The following ANKRD30BL variants were observed in gnomAD, a reference collection of about 807,000 sequenced individuals.
ANKRD30BL encodes the protein putative ankyrin repeat domain-containing protein 30B-like.
A neutral mutation model predicts 18.4 loss-of-function variants in ANKRD30BL; 20 were observed. The ratio of observed to expected loss-of-function variants is 1.09; its 90% CI spans 0.77 to 1.58. The LOEUF is 1.58. ANKRD30BL is among the 40% of genes most tolerant of loss of function. The pLI, the probability that ANKRD30BL is intolerant of heterozygous loss-of-function variation, is 0.00. For synonymous variants in ANKRD30BL, 72 were observed against 100.9 expected, an observed-to-expected ratio of 0.71 and a Z score of 1.72; for missense variants, 224 against 268.6, an observed-to-expected ratio of 0.83 and a Z score of 1.16.
intron 1 of ANKRD30BL, among the ~76,000 whole-genome samples, chr2:132,186,873 T>G (rs1688569057): frequency 6.6e-6 from 1 of 152,114 alleles, no homozygotes; most frequent in Admixed American, 6.6e-5. Flanking sequence ...CTACATAAAA[T>G]AAGTATTCAG....
chr2:132,217,141 C>T (rs10205788), intron 1 of ANKRD30BL, among the ~76,000 whole-genome samples: 26,200 of 146,446 alleles, frequency 0.18, 4,993 homozygotes, highest in African/African-American at 0.48. Flanking sequence ...TTTGTGATGT[C>T]AGCATTCCAC....
intron 1 of ANKRD30BL, among the ~76,000 whole-genome samples, chr2:132,214,605 CT>C (rs1558937093): frequency 6.6e-6 from 1 of 151,968 alleles, no homozygotes; most frequent in Non-Finnish European, 1.5e-5. Context: ...TTGAAACACC[CT>C]TTTTGTACTA....
rs190652112 is a variant in ANKRD30BL at position 132,184,598 on chromosome 2, A to G, written n.442-27452T>C. 1.8e-3 allele frequency among the ~76,000 whole-genome samples: 272 copies of G among 152,318 alleles called. 1 individual carries two copies. Among genetic ancestry groups the G allele is most frequent in the Middle Eastern group, 3.4e-3 (1 of 294 alleles). The stretch of plus-strand genomic sequence containing the variant: ...TTTAACTTTAATGTTAAAAGTTTCC[A>G]TAAGTTATCCCCAAGCCTGGAAATA... On this transcript the variant is annotated intron_variant and non_coding_transcript_variant, in intron 1 of 4. Transcript: ENST00000470729.
intron 1 of ANKRD30BL, among the ~76,000 whole-genome samples, chr2:132,221,837 C>T (rs1338672220): frequency 8.1e-6 from 1 of 122,946 alleles, no homozygotes; most frequent in Non-Finnish European, 1.6e-5. Context: ...CAGCCCCCCG[C>T]CCGGCCAGCC....
chr2:132,189,894 AT>A (rs1678810274), intron 1 of ANKRD30BL, among the ~76,000 whole-genome samples: 2 of 152,228 alleles, frequency 1.3e-5, no homozygotes, highest in African/African-American at 4.8e-5. Context: ...AGAAAAAAAA[AT>A]AAATTAATTG....
At chr2:132,237,308 A>C (rs1680176423) in intron 1 of ANKRD30BL, among the ~76,000 whole-genome samples, 1 of 152,074 alleles carries the variant, frequency 6.6e-6, no homozygotes, top group Non-Finnish European at 1.5e-5. Flanking sequence ...AAGCATTCTC[A>C]CAAACTACTT....
intron 1 of ANKRD30BL, among the ~76,000 whole-genome samples, chr2:132,236,260 A>T (rs1003138156): frequency 2.6e-5 from 4 of 152,146 alleles, no homozygotes; most frequent in Non-Finnish European, 5.9e-5. Context: ...AGGCATTACC[A>T]TTCAGGACAT....
intron 1 of ANKRD30BL, among the ~76,000 whole-genome samples, chr2:132,234,155 C>A (rs1210594805): frequency 1.3e-5 from 2 of 152,108 alleles, no homozygotes; most frequent in Non-Finnish European, 2.9e-5. Context: ...AAAGACACAA[C>A]ATACCAGAAT....
intron 1 of ANKRD30BL, among the ~76,000 whole-genome samples, chr2:132,219,045 A>G (rs1442056465): frequency 2.6e-5 from 4 of 152,006 alleles, no homozygotes; most frequent in African/African-American, 9.7e-5. Flanking sequence ...ACAGAGTTGA[A>G]CCTTTCTTTT....
chr2:132,244,866 T>C (rs1039669237), intron 1 of ANKRD30BL, among the ~76,000 whole-genome samples: 1 of 152,226 alleles, frequency 6.6e-6, no homozygotes. Flanking sequence ...GGAAAACTCT[T>C]TTTGTAGTAT....
At chr2:132,151,784 T>C (rs1374170902) in intron 4 of ANKRD30BL, among the ~76,000 whole-genome samples, 1 of 152,088 alleles carries the variant, frequency 6.6e-6, no homozygotes, top group African/African-American at 2.4e-5. Flanking sequence ...TTTATAAATA[T>C]ATTAAATCAT....
chr2:132,205,532 C>T (rs1348867682), intron 1 of ANKRD30BL, among the ~76,000 whole-genome samples: 91 of 143,020 alleles, frequency 6.4e-4, no homozygotes, highest in Middle Eastern at 3.8e-3. Flanking sequence ...ACCTGGGAGG[C>T]GGAGGTTGCA....
intron 1 of ANKRD30BL, among the ~76,000 whole-genome samples, chr2:132,238,232 G>T (rs970743838): frequency 1.3e-5 from 2 of 151,604 alleles, no homozygotes; most frequent in African/African-American, 4.8e-5. Context: ...AGTTATGAAA[G>T]ACTCTTCTTA....
intron 1 of ANKRD30BL, among the ~76,000 whole-genome samples, chr2:132,180,605 C>G (rs899037320): frequency 2.0e-5 from 3 of 151,858 alleles, no homozygotes; most frequent in African/African-American, 7.3e-5. Context: ...AGACAGGCAC[C>G]ATTATTTTCC....
Position 132,147,787 on chromosome 2 carries a change from A to AG in ANKRD30BL, c.*343dup, listed in dbSNP as rs909777849. ...TTCAGATTGGCTATTTAAAGAGGGC[A>AG]GGGGTATGAGCTGGAGTGGCAGGGT... On this transcript the variant is annotated 3_prime_UTR_variant, in exon 6 of 6. Coordinates refer to ENST00000409867, the MANE Select transcript of ANKRD30BL (RefSeq NM_001358416.1). 1 of 299,194 alleles carries AG rather than the reference A, an allele frequency of 3.3e-6. No homozygotes were observed. Among genetic ancestry groups the AG allele is most frequent in the Non-Finnish European group, 6.6e-6 (1 of 152,276 alleles). The allele number at this position is 299,194 out of a possible 1,614,324, so 18.5% of individuals were successfully genotyped here.
chr2:132,220,411 C>T (rs1236960713), intron 1 of ANKRD30BL, among the ~76,000 whole-genome samples: 11 of 150,734 alleles, frequency 7.3e-5, no homozygotes, highest in South Asian at 2.1e-4. Flanking sequence ...CCTCTGATGC[C>T]GAGCCAAAGC....
chr2:132,156,949 A>T, intron 3 of ANKRD30BL, 24 bp downstream of exon 3: 1 of 738,836 alleles, frequency 1.4e-6, no homozygotes, highest in Non-Finnish European at 2.0e-6. Flanking sequence ...AAATATTTTG[A>T]AAATAACATT....
chr2:132,223,745 A>G (rs1679762319), intron 1 of ANKRD30BL, among the ~76,000 whole-genome samples: 1 of 152,100 alleles, frequency 6.6e-6, no homozygotes. Flanking sequence ...AGAATCTGCA[A>G]GTGGACATTT....
At chr2:132,199,992 G>A (rs965773674) in intron 1 of ANKRD30BL, among the ~76,000 whole-genome samples, 2 of 152,214 alleles carry the variant, frequency 1.3e-5, no homozygotes, top group African/African-American at 4.8e-5. Context: ...TCCCTGGGAT[G>A]CAAGGCTGGT....
Sources: allele counts gnomAD v4.1 joint callset (sites outside exome capture counted in the v4.1 genomes callset), GRCh38; gene constraint gnomAD v4.1.1; transcripts MANE v1.5; gene names NCBI Gene and HGNC (gene_info 2026-07-23, HGNC 2026-07-21).